Variants in DMD observed in about 807,000 individuals in gnomAD.
DMD encodes the protein dystrophin, also known as mutant dystrophin.
In DMD, 63 loss-of-function variants were observed where a neutral mutation model predicts 330.1. The ratio of observed to expected loss-of-function variants is 0.19; its 90% confidence interval spans 0.16 to 0.24. The LOEUF (loss-of-function observed/expected upper bound fraction) is 0.24, where lower values mean the gene tolerates loss of function less well. Among genes scored for constraint, DMD ranks in the 10% least tolerant of loss-of-function variants. The pLI is 1.00. For missense variants in DMD, 3,344 were observed against 2,684.1 expected, an observed-to-expected ratio of 1.25 and a Z score of -5.43; for synonymous variants, 1,223 against 959.8, an observed-to-expected ratio of 1.27 and a Z score of -5.07.
At chrX:31,325,663 A>G (rs1343116707) in intron 61 of DMD, among the ~76,000 whole-genome samples, 1 of 111,329 alleles carries the variant, frequency 9.0e-6, no homozygotes. Flanking sequence ...TTCCTGACCT[A>G]TCTGGTCAGA....
At chrX:32,258,456 A>C (rs1389200238) in intron 43 of DMD, among the ~76,000 whole-genome samples, 1 of 111,725 alleles carries the variant, frequency 9.0e-6, no homozygotes, top group East Asian at 2.8e-4. Context: ...AAATTGGCAC[A>C]TATACACCAT....
chrX:32,948,179 T>C (rs1026094427), intron 2 of DMD, among the ~76,000 whole-genome samples: 16 of 109,463 alleles, frequency 1.5e-4, no homozygotes, highest in Middle Eastern at 4.3e-3. Flanking sequence ...AGTGTATTAA[T>C]AGCTAAAACC....
At chrX:31,224,817 C>T (rs764580994) in intron 63 of DMD, among the ~76,000 whole-genome samples, 2 of 112,167 alleles carry the variant, frequency 1.8e-5, no homozygotes, top group South Asian at 7.4e-4. Flanking sequence ...TAAAAAGGAA[C>T]TAACTACTGA....
chrX:32,682,057 T>C (rs1401754924), intron 9 of DMD, among the ~76,000 whole-genome samples: 1 of 111,536 alleles, frequency 9.0e-6, no homozygotes, highest in African/African-American at 3.3e-5. Flanking sequence ...GGAAAGAAGG[T>C]AGGATACCTA....
At chrX:32,055,175 A>G (rs995198849) in intron 44 of DMD, among the ~76,000 whole-genome samples, 1 of 111,281 alleles carries the variant, frequency 9.0e-6, no homozygotes, top group Non-Finnish European at 1.9e-5. Context: ...CGTCCCTTAT[A>G]TCAGACTCAA....
intron 44 of DMD, among the ~76,000 whole-genome samples, chrX:32,172,893 G>C (rs2096892811): frequency 8.9e-6 from 1 of 111,741 alleles, no homozygotes; most frequent in Admixed American, 9.6e-5. Context: ...CTGAAAAGCT[G>C]TGGATCAAAT....
intron 2 of DMD, among the ~76,000 whole-genome samples, chrX:32,926,015 T>G (rs777161881): frequency 1.1e-4 from 12 of 112,237 alleles, no homozygotes; most frequent in Non-Finnish European, 2.3e-4. Flanking sequence ...ATTGCAGCAT[T>G]GTTCACAATA....
rs560212408 is a variant in DMD, at chrX:33,250,085, T to TTATATATATA, written c.7+89164_7+89173dup. Among the ~76,000 whole-genome samples the TTATATATATA allele has an allele frequency of 1.8e-3, 137 of 75,405 alleles. 8 individuals are homozygous for TTATATATATA. The highest frequency in any genetic ancestry group is 8.9e-3 in the African/African-American group (124 of 13,876). The allele number at this position is 75,405 out of a possible 115,157, so 65.5% of individuals were successfully genotyped here. A position where few individuals can be genotyped will look rare whatever the true frequency, so the allele number is the denominator to read the frequency against. ...AGCCCACATAGTAGTAAACTATTCA[T>TTATATATATA]TATATATATATATATATATATATAT... On this transcript the variant is annotated intron_variant, in intron 1 of 17. Transcript: ENST00000288447.
intron 55 of DMD, among the ~76,000 whole-genome samples, chrX:31,555,177 G>T (rs758659391): frequency 8.9e-6 from 1 of 111,809 alleles, no homozygotes; most frequent in Admixed American, 9.5e-5. Context: ...GGGCAGTGGC[G>T]CTAATTGTAG....
At chrX:31,854,738 C>T (rs899460524) in intron 48 of DMD, among the ~76,000 whole-genome samples, 2 of 111,524 alleles carry the variant, frequency 1.8e-5, no homozygotes, top group African/African-American at 6.5e-5. Flanking sequence ...CGGCTCAGAA[C>T]GGAACAAAGT....
chrX:31,313,058 G>A (rs1353732154), intron 62 of DMD, among the ~76,000 whole-genome samples: 4 of 101,288 alleles, frequency 3.9e-5, no homozygotes, highest in African/African-American at 1.5e-4. Flanking sequence ...TTCTGCACAT[G>A]TATCTCGGTT....
intron 61 of DMD, 39 bp downstream of exon 61, chrX:31,348,517 T>C (rs373147174): frequency 1.1e-4 from 115 of 1,083,639 alleles, no homozygotes; most frequent in Middle Eastern, 9.7e-4. Flanking sequence ...TTAATCAAGA[T>C]GCAATAAAGT....
intron 7 of DMD, among the ~76,000 whole-genome samples, chrX:32,748,809 CTG>C (rs1287389327): frequency 8.9e-6 from 1 of 112,517 alleles, no homozygotes; most frequent in African/African-American, 3.2e-5. Flanking sequence ...TGTAAAAAGA[CTG>C]TGTCATCAGT....
chrX:31,208,118 C>T (rs1026069342), intron 65 of DMD, among the ~76,000 whole-genome samples: 12 of 111,737 alleles, frequency 1.1e-4, no homozygotes, highest in Admixed American at 3.8e-4. Context: ...GAATAATTCG[C>T]CTATTAGCAC....
chrX:32,137,659 A>G (rs936545959), intron 44 of DMD, among the ~76,000 whole-genome samples: 1 of 110,329 alleles, frequency 9.1e-6, no homozygotes, highest in Non-Finnish European at 1.9e-5. Flanking sequence ...GTACCTATGC[A>G]GGATTGTTAC....
intron 50 of DMD, among the ~76,000 whole-genome samples, chrX:31,798,277 AT>A (rs112042134): frequency 7.1e-4 from 75 of 106,297 alleles, no homozygotes; most frequent in African/African-American, 1.3e-3. Flanking sequence ...GAAGATGAGT[AT>A]TTTTTTTTTT....
At chrX:32,029,980 C>T (rs1349686317) in intron 44 of DMD, among the ~76,000 whole-genome samples, 6 of 111,432 alleles carry the variant, frequency 5.4e-5, no homozygotes, top group Non-Finnish European at 1.1e-4. Flanking sequence ...AGATAAAATG[C>T]CAGGAAGAAA....
intron 47 of DMD, among the ~76,000 whole-genome samples, chrX:31,902,407 T>C (rs1228355421): frequency 3.6e-5 from 4 of 111,849 alleles, no homozygotes; most frequent in Non-Finnish European, 7.5e-5. Context: ...CCTGGATTTC[T>C]CTTTCTGAAC....
At chrX:32,843,602 GTTA>G (rs1325976934) in intron 4 of DMD, among the ~76,000 whole-genome samples, 1 of 112,172 alleles carries the variant, frequency 8.9e-6, no homozygotes, top group Non-Finnish European at 1.9e-5. Flanking sequence ...GGGAGTACAT[GTTA>G]TTATTAATCT....
Sources: gnomAD v4.1 joint callset for allele counts (sites outside exome capture counted in the v4.1 genomes callset) on GRCh38, gnomAD v4.1.1 for gene constraint, MANE v1.5 for transcripts, NCBI Gene and HGNC (gene_info 2026-07-23, HGNC 2026-07-21) for gene names.